AKR1D1: variants seen among roughly 807,000 people sequenced by gnomAD.
AKR1D1 encodes aldo-keto reductase family 1 member D1, also known as delta(4)-3-ketosteroid 5-beta-reductase.
AKR1D1 carries 32 observed loss-of-function variants against 42.6 expected under a neutral mutation model. The ratio of observed to expected loss-of-function variants is 0.75; its 90% confidence interval spans 0.57 to 1.01. AKR1D1 has a LOEUF of 1.01. AKR1D1 is among the 50% of genes least tolerant of loss of function. AKR1D1 has a pLI of 0.00. For missense variants in AKR1D1, 364 were observed against 402.2 expected, an observed-to-expected ratio of 0.91 and a Z score of 0.81; for synonymous variants, 123 against 135.5, an observed-to-expected ratio of 0.91 and a Z score of 0.64.
intron 1 of AKR1D1, among the ~76,000 whole-genome samples, chr7:138,082,748 C>A (rs73155732): frequency 6.6e-6 from 1 of 152,162 alleles, no homozygotes; most frequent in Non-Finnish European, 1.5e-5. Context: ...CTAATAATTC[C>A]AATTTTTCAT....
In AKR1D1 at chr7:138,107,397, T is replaced by A. The variant is rs776333401; in HGVS notation, c.690-18T>A. On this transcript the variant is annotated intron_variant, in intron 6 of 8. Transcript: ENST00000242375. ...CATTATGCAAACTAATTATGATGCA[T>A]GTTTTGATATTTTTAAGGGTGAATG... 3 of 1,612,618 alleles carry A rather than the reference T, an allele frequency of 1.9e-6. No individual in the cohort carries two copies. The highest frequency in any genetic ancestry group is 2.5e-6 in the Non-Finnish European group (3 of 1,178,630).
In AKR1D1 at chr7:138,117,034, C is replaced by T. The variant is rs142266499; in HGVS notation, c.*372C>T. 0.012 allele frequency: 2,384 copies of T among 206,636 alleles called. 33 individuals carry two copies. Among genetic ancestry groups the T allele is most frequent in the South Asian group, 0.019 (192 of 10,296 alleles). The allele number at this position is 206,636 out of a possible 1,614,324, so 12.8% of individuals were successfully genotyped here. On this transcript the variant is annotated 3_prime_UTR_variant, in exon 9 of 9. Coordinates refer to ENST00000242375, the MANE Select transcript of AKR1D1 (RefSeq NM_005989.4). ...AGTTCTTTAAGGGTTAACAGGACAA[C>T]GAAGTGCATGTGGCAGTGTGCTGGC...
intron 8 of AKR1D1, among the ~76,000 whole-genome samples, chr7:138,114,660 CAAA>C (rs34437071): frequency 6.9e-5 from 6 of 87,356 alleles, no homozygotes; most frequent in African/African-American, 9.0e-5. Flanking sequence ...AACTCCATCT[CAAA>C]AAAAAAAAAA....
chr7:138,099,391 G>A (rs1042599350), intron 4 of AKR1D1, among the ~76,000 whole-genome samples: 1 of 151,872 alleles, frequency 6.6e-6, no homozygotes, highest in African/African-American at 2.4e-5. Context: ...AGAGAACCAG[G>A]AACTTCTAAA....
At position 138,076,533 on chromosome 7, in the gene AKR1D1, T is replaced by G; in HGVS notation, c.15T>G (p.Ala5=). The change falls in exon 1 of 9, where the codon GCT becomes GCG. Residue 5 remains alanine (A), a synonymous_variant. Transcript: ENST00000242375. The part of the protein sequence containing the change: MDLS[A]ASHRIPLSDG... Reference sequence around the variant, plus strand: ...GGTTCTCCACAATGGATCTCAGTGCTGCAAGTCACCGCATACCTCTAAGTG... The same window carrying G: ...GGTTCTCCACAATGGATCTCAGTGCGGCAAGTCACCGCATACCTCTAAGTG... 6.2e-7 allele frequency: 1 copy of G among 1,613,484 alleles called. No individual in the cohort carries two copies. Among genetic ancestry groups the G allele is most frequent in the Non-Finnish European group, 8.5e-7 (1 of 1,179,628 alleles).
intron 6 of AKR1D1, 29 bp downstream of exon 6, chr7:138,106,746 T>C (rs1469873934): frequency 6.5e-6 from 10 of 1,538,754 alleles, no homozygotes; most frequent in Non-Finnish European, 9.0e-6. Flanking sequence ...AGCATTTCCT[T>C]TGGTGTAGAG....
intron 7 of AKR1D1, 124 bp downstream of exon 7, chr7:138,107,704 T>C (rs917046820): frequency 4.8e-6 from 5 of 1,034,104 alleles, no homozygotes; most frequent in African/African-American, 1.6e-5. Flanking sequence ...ACCAGCCCCT[T>C]GACCCATGTA....
chr7:138,098,649 G>T (rs1267544984), intron 4 of AKR1D1, among the ~76,000 whole-genome samples: 2 of 152,072 alleles, frequency 1.3e-5, no homozygotes, highest in African/African-American at 4.8e-5. Flanking sequence ...AAGCAATTCT[G>T]TTTTTTATTT....
intron 4 of AKR1D1, among the ~76,000 whole-genome samples, chr7:138,101,170 TCCCTC>T (rs1562935766): frequency 3.8e-4 from 11 of 29,182 alleles, no homozygotes; most frequent in South Asian, 2.7e-3. Flanking sequence ...CCTCCCTCCC[TCCCTC>T]CCTCCCTCCC....
Position 138,117,753 on chromosome 7 carries a change from C to T in AKR1D1, c.*1091C>T, listed in dbSNP as rs886062009. On this transcript the variant is annotated 3_prime_UTR_variant, in exon 9 of 9. Coordinates refer to ENST00000242375, the MANE Select transcript of AKR1D1 (RefSeq NM_005989.4). Reference sequence around the variant, plus strand: ...ATATTTTATTGGCCGGGTGCGGTGGCTCATGCCTATAATCCCAGCACTTTG... The same window carrying T: ...ATATTTTATTGGCCGGGTGCGGTGGTTCATGCCTATAATCCCAGCACTTTG... The T allele has an allele frequency of 6.6e-6, 1 of 152,232 alleles. No individual in the cohort carries two copies. Among genetic ancestry groups the T allele is most frequent in the Non-Finnish European group, 1.5e-5 (1 of 68,054 alleles). 9.4% of individuals were successfully genotyped at this position (152,232 alleles called of 1,614,324 possible).
At chr7:138,089,305 C>T (rs146928039) in intron 2 of AKR1D1, among the ~76,000 whole-genome samples, 149 of 151,114 alleles carry the variant, frequency 9.9e-4, no homozygotes, top group African/African-American at 3.4e-3. Context: ...GAGTCATGTT[C>T]ATATCACTGC....
chr7:138,113,802 G>A (rs1242190484), intron 8 of AKR1D1, 30 bp downstream of exon 8: 1 of 1,593,472 alleles, frequency 6.3e-7, no homozygotes, highest in Non-Finnish European at 8.6e-7. Flanking sequence ...AATGGGTATT[G>A]ACCAGTGGTA....
intron 4 of AKR1D1, among the ~76,000 whole-genome samples, chr7:138,098,987 T>A (rs930813509): frequency 2.0e-5 from 3 of 152,092 alleles, no homozygotes; most frequent in Non-Finnish European, 4.4e-5. Context: ...AAACATAAGT[T>A]ACCCACTGAC....
At chr7:138,116,180 T>TA (rs933965632) in intron 8 of AKR1D1, among the ~76,000 whole-genome samples, 8 of 151,450 alleles carry the variant, frequency 5.3e-5, no homozygotes, top group Non-Finnish European at 7.4e-5. Flanking sequence ...ATTCCATCTG[T>TA]AAAAAAAAGA....
intron 7 of AKR1D1, among the ~76,000 whole-genome samples, chr7:138,109,046 G>T (rs1334726220): frequency 6.6e-6 from 1 of 152,048 alleles, no homozygotes; most frequent in Non-Finnish European, 1.5e-5. Context: ...GTTTATTATA[G>T]AATTCTTTGT....
intron 3 of AKR1D1, among the ~76,000 whole-genome samples, chr7:138,094,516 G>GA (rs200123483): frequency 0.01 from 1,539 of 149,084 alleles, 24 homozygotes; most frequent in Non-Finnish European, 9.4e-3. Flanking sequence ...CCCTGTCTTG[G>GA]AAAAAAAAAG....
chr7:138,077,586 T>G (rs199609180), intron 1 of AKR1D1, among the ~76,000 whole-genome samples: 1 of 152,244 alleles, frequency 6.6e-6, no homozygotes, highest in East Asian at 1.9e-4. Context: ...TGAAATGGGC[T>G]TCCTTTAAAA....
chr7:138,107,085 T>C, intron 6 of AKR1D1: 1 of 524,146 alleles, frequency 1.9e-6, no homozygotes, highest in Non-Finnish European at 3.5e-6. Context: ...TTTTCTACTT[T>C]AAGATGATTC....
chr7:138,097,206 C>T (rs1010837418), intron 3 of AKR1D1, among the ~76,000 whole-genome samples: 5 of 152,196 alleles, frequency 3.3e-5, no homozygotes, highest in Non-Finnish European at 5.9e-5. Flanking sequence ...TTCCTCTCTA[C>T]TGCAGTTGCC....
Sources: allele counts gnomAD v4.1 joint callset (sites outside exome capture counted in the v4.1 genomes callset), GRCh38; gene constraint gnomAD v4.1.1; transcripts MANE v1.5; gene names NCBI Gene and HGNC (gene_info 2026-07-23, HGNC 2026-07-21).